The following HDLBP variants were observed in gnomAD, a reference collection of about 807,000 sequenced individuals.
HDLBP encodes vigilin.
Under a neutral mutation model 137.3 loss-of-function variants are expected in HDLBP, and 30 were observed. The ratio of observed to expected loss-of-function variants is 0.22; its 90% CI spans 0.16 to 0.30. The LOEUF (loss-of-function observed/expected upper bound fraction) is 0.30. HDLBP is among the 10% of genes least tolerant of loss of function. HDLBP has a pLI of 1.00. For synonymous variants in HDLBP, 606 were observed against 596.0 expected (o/e 1.02, Z -0.24); for missense variants, 1,119 against 1,667.3 (o/e 0.67, Z 5.73).
rs2071735076 is a variant in HDLBP at position 241,247,021 on chromosome 2, CAAG to C, written c.1818+32_1818+34del. On this transcript the variant is annotated intron_variant, in intron 15 of 27. Coordinates refer to ENST00000310931, the MANE Select transcript of HDLBP (RefSeq NM_005336.6). ...TGGTGCAGGGCTACAGAGGACAAGGCAAGAAGAAGCAAGATGCAGCGGACAAGT... is the reference window on the plus strand; with the variant it reads ...TGGTGCAGGGCTACAGAGGACAAGGCAAGAAGCAAGATGCAGCGGACAAGT... 7 of 1,576,136 alleles carry C rather than the reference CAAG, an allele frequency of 4.4e-6. No individual in the cohort carries two copies. In the Admixed American group the frequency reaches 1.0e-4, roughly 23 times the overall value.
At chr2:241,258,796 TA>T (rs1270935202) in intron 5 of HDLBP, among the ~76,000 whole-genome samples, 2 of 152,166 alleles carry the variant, frequency 1.3e-5, no homozygotes, top group Non-Finnish European at 1.5e-5. Flanking sequence ...AATGCAAATT[TA>T]AAGTATATTT....
intron 1 of HDLBP, among the ~76,000 whole-genome samples, chr2:241,286,533 C>G (rs1261186183): frequency 6.6e-6 from 1 of 152,310 alleles, no homozygotes; most frequent in South Asian, 2.1e-4. Context: ...TTCGAGCCAT[C>G]CTGCCTCTCC....
At chr2:241,310,202 G>A (rs1265595836) in intron 1 of HDLBP, among the ~76,000 whole-genome samples, 1 of 152,040 alleles carries the variant, frequency 6.6e-6, no homozygotes, top group Non-Finnish European at 1.5e-5. Flanking sequence ...AGGAATAGAG[G>A]GAACAAGAAA....
chr2:241,263,517 T>C (rs2149523992), intron 4 of HDLBP, among the ~76,000 whole-genome samples: 1 of 151,964 alleles, frequency 6.6e-6, no homozygotes, highest in South Asian at 2.1e-4. Context: ...ACTACCCTGG[T>C]GTGAGACCAC....
chr2:241,254,136 G>A (rs915730406), intron 9 of HDLBP, among the ~76,000 whole-genome samples: 10 of 152,102 alleles, frequency 6.6e-5, no homozygotes, highest in African/African-American at 2.2e-4. Context: ...CTAGCCTGGG[G>A]CGCCTGTAGT....
At chr2:241,268,938 T>C (rs913327291) in intron 1 of HDLBP, 2 of 152,250 alleles carry the variant, frequency 1.3e-5, no homozygotes, top group Non-Finnish European at 2.9e-5. Flanking sequence ...GAAGGGTTGT[T>C]GTGCTGGGCT....
intron 1 of HDLBP, among the ~76,000 whole-genome samples, chr2:241,306,319 T>C (rs1008033914): frequency 4.0e-5 from 6 of 151,542 alleles, no homozygotes; most frequent in African/African-American, 1.5e-4. Context: ...TGGAGTGCAA[T>C]GGCGTGATCT....
Position 241,267,836 on chromosome 2 carries a change from G to C in HDLBP, c.-38+641C>G, listed in dbSNP as rs1270239400. The C allele has an allele frequency of 9.7e-6, 14 of 1,441,136 alleles. No individual in the cohort carries two copies. In the Middle Eastern group the frequency reaches 7.6e-4, roughly 79 times the overall value. The allele number at this position is 1,441,136 out of a possible 1,614,324, so 89.3% of individuals were successfully genotyped here. On this transcript the variant is annotated intron_variant, in intron 2 of 27. Coordinates refer to ENST00000310931, the MANE Select transcript of HDLBP (RefSeq NM_005336.6). ...TCCCTCCAGGTGTGGGACAGAACTC[G>C]CACAGCAGGGGAAACCTGGCCCAAG... is the stretch of plus-strand genomic sequence containing the variant.
intron 1 of HDLBP, chr2:241,280,006 T>G: frequency 2.0e-6 from 2 of 985,310 alleles, no homozygotes; most frequent in Non-Finnish European, 2.4e-6. Flanking sequence ...GGACCAGGGG[T>G]CATCTCCAAG....
chr2:241,230,544 G>A lies in HDLBP; in HGVS notation c.3474+215C>T, dbSNP rs1396358521. Among the ~76,000 whole-genome samples the A allele has an allele frequency of 2.6e-5, 4 of 152,242 alleles. No individual in the cohort carries two copies. Among genetic ancestry groups the A allele is most frequent in the African/African-American group, 4.8e-5 (2 of 41,458 alleles). ...GACGAGCTCGCCAGGCAGCTGTCAA[G>A]GAGATGCCCTCCTAATGGCCACCGT... is the stretch of plus-strand genomic sequence containing the variant. On this transcript the variant is annotated intron_variant, in intron 25 of 27. Transcript: ENST00000310931. The surrounding 1 kb of genome is among the most constrained non-coding windows in gnomAD (Gnocchi z 5.0).
At chr2:241,257,336 G>A (rs543081457) in intron 5 of HDLBP, among the ~76,000 whole-genome samples, 153 of 152,310 alleles carry the variant, frequency 1.0e-3, no homozygotes, top group African/African-American at 3.5e-3. Flanking sequence ...GGGTTCAAGG[G>A]ATTCTCCTGC....
Position 241,272,832 on chromosome 2 carries a change from G to A in HDLBP, c.-102-4291C>T, listed in dbSNP as rs1389974840. On this transcript the variant is annotated intron_variant, in intron 1 of 27. Transcript: ENST00000310931. The surrounding 1 kb of genome is among the most constrained non-coding windows in gnomAD (Gnocchi z 5.6). ...CGCGCGGGAGAAGCCGGGACGCTCCGAGGCGCGGCGCCCGGGCCCCGGCTG... is the reference window on the plus strand; with the variant it reads ...CGCGCGGGAGAAGCCGGGACGCTCCAAGGCGCGGCGCCCGGGCCCCGGCTG... The A allele has an allele frequency of 1.8e-5, 5 of 283,144 alleles. No homozygotes were observed. The highest frequency in any genetic ancestry group is 9.2e-5 in the African/African-American group (4 of 43,598). The allele number at this position is 283,144 out of a possible 1,614,324, so 17.5% of individuals were successfully genotyped here. A position where few individuals can be genotyped will look rare whatever the true frequency, so the allele number is the denominator to read the frequency against.
intron 9 of HDLBP, 28 bp from the exon 10 acceptor site, chr2:241,253,525 T>G: frequency 6.7e-7 from 1 of 1,491,042 alleles, no homozygotes; most frequent in Middle Eastern, 1.7e-4. Flanking sequence ...AAGAGATAGC[T>G]AAAACAGAAT....
intron 1 of HDLBP, among the ~76,000 whole-genome samples, chr2:241,308,940 T>C (rs761485496): frequency 6.6e-6 from 1 of 152,188 alleles, no homozygotes; most frequent in Non-Finnish European, 1.5e-5. Context: ...GCCCGTCTCC[T>C]ACACCCTCTG....
chr2:241,294,208 G>A (rs893812254), intron 1 of HDLBP, among the ~76,000 whole-genome samples: 20 of 152,248 alleles, frequency 1.3e-4, no homozygotes, highest in African/African-American at 4.8e-4. Flanking sequence ...GCATTAATTG[G>A]GTTCTGATCT....
chr2:241,276,606 C>A (rs992094601), intron 1 of HDLBP, among the ~76,000 whole-genome samples: 1 of 152,022 alleles, frequency 6.6e-6, no homozygotes, highest in Non-Finnish European at 1.5e-5. Context: ...GACATATAGG[C>A]TGAAATAAAG....
chr2:241,287,400 C>A (rs1186458867), intron 1 of HDLBP, among the ~76,000 whole-genome samples: 2 of 151,034 alleles, frequency 1.3e-5, no homozygotes, highest in Non-Finnish European at 2.9e-5. Flanking sequence ...AGCCACCGCG[C>A]CCGGCCTATT....
chr2:241,260,013 A>C (rs1426976918), intron 5 of HDLBP, among the ~76,000 whole-genome samples: 1 of 151,920 alleles, frequency 6.6e-6, no homozygotes, highest in Non-Finnish European at 1.5e-5. Context: ...TTATTTATTT[A>C]TTATTTTGAG....
At chr2:241,310,109 A>G (rs2075716847) in intron 1 of HDLBP, among the ~76,000 whole-genome samples, 1 of 151,962 alleles carries the variant, frequency 6.6e-6, no homozygotes, top group African/African-American at 2.4e-5. Context: ...AAAAGAAAAC[A>G]GGGAAAAATA....
Sources: allele counts gnomAD v4.1 joint callset (sites outside exome capture counted in the v4.1 genomes callset), GRCh38; gene constraint gnomAD v4.1.1; non-coding constraint Gnocchi (gnomAD v3.1); transcripts MANE v1.5; gene names NCBI Gene and HGNC (gene_info 2026-07-23, HGNC 2026-07-21).